Variants in CD177 observed in about 807,000 individuals in gnomAD.
The protein encoded by CD177 is CD177 antigen.
CD177 carries 41 observed loss-of-function variants against 38.1 expected under a neutral mutation model. The ratio of observed to expected loss-of-function variants is 1.07; its 90% CI spans 0.84 to 1.39. The LOEUF is 1.39. CD177 is among the 40% of genes most tolerant of loss of function. The pLI, the probability that CD177 is intolerant of heterozygous loss-of-function variation, is 0.00. For missense variants in CD177, 619 were observed against 523.8 expected, an observed-to-expected ratio of 1.18 and a Z score of -1.77; for synonymous variants, 236 against 216.7, an observed-to-expected ratio of 1.09 and a Z score of -0.78.
At chr19:43,364,186 C>T (rs10402666), downstream of CD177, among the ~76,000 whole-genome samples, 14,261 of 151,714 alleles carry the variant, frequency 0.094, 339 homozygotes, top group African/African-American at 0.18. Context: ...TGTCCTCCTC[C>T]CATTGTGCTG....
intron 5 of CD177, among the ~76,000 whole-genome samples, chr19:43,360,057 G>T: frequency 6.6e-6 from 1 of 151,852 alleles, no homozygotes; most frequent in East Asian, 1.9e-4. Flanking sequence ...GTGAGAGGAC[G>T]TCCCTGCGGG....
intron 6 of CD177, 42 bp downstream of exon 6, chr19:43,360,447 C>T (rs1414459356): frequency 5.2e-6 from 8 of 1,539,970 alleles, no homozygotes; most frequent in Non-Finnish European, 7.0e-6. Context: ...GTCCCAAGTC[C>T]CTGGCAGCTC....
chr19:43,362,501 T>G lies in CD177; in HGVS notation c.*181T>G, dbSNP rs7254228. 123,306 of 501,538 alleles carry G rather than the reference T, an allele frequency of 0.25. 17,570 individuals carry two copies. Among genetic ancestry groups the G allele is most frequent in the East Asian group, 0.43 (13,658 of 31,506 alleles). The allele number at this position is 501,538 out of a possible 1,614,324, so 31.1% of individuals were successfully genotyped here. ...GCAACACTGGGGAGAGCCTGGAGCA[T>G]CCGGACTTGCCCTATGGGAGAGGGG... On this transcript the variant is annotated 3_prime_UTR_variant, in exon 9 of 9. Coordinates refer to ENST00000618265, the MANE Select transcript of CD177 (RefSeq NM_020406.4).
intron 1 of CD177, 24 bp from the exon 2 acceptor site, chr19:43,353,829 A>G (rs1192141144): frequency 3.1e-6 from 5 of 1,613,594 alleles, no homozygotes; most frequent in Non-Finnish European, 4.2e-6. Context: ...CCCTGCTGAG[A>G]TGGATTTGCT....
downstream of CD177, among the ~76,000 whole-genome samples, chr19:43,365,930 G>A (rs562240923): frequency 6.6e-6 from 1 of 152,280 alleles, no homozygotes. Context: ...GCATGCCCCA[G>A]GTTATGGTTT....
chr19:43,363,868 A>G (rs1467617550), downstream of CD177, among the ~76,000 whole-genome samples: 7 of 152,158 alleles, frequency 4.6e-5, no homozygotes, highest in Non-Finnish European at 1.5e-5. Flanking sequence ...TGGGAGGATC[A>G]CTTGAGCCCA....
At position 43,361,499 on chromosome 19, in the gene CD177, C is replaced by G; in HGVS notation, c.1001C>G (p.Thr334Ser). The G allele has an allele frequency of 6.3e-7, 1 of 1,585,662 alleles. No homozygotes were observed. Among genetic ancestry groups the G allele is most frequent in the African/African-American group, 1.4e-5 (1 of 73,700 alleles). ...QCPTCVQPLG[T>S]CSSGSPRMTC... The stretch of plus-strand genomic sequence containing the variant: ...CCTACCTGTGTGCAGCCCCTTGGAA[C>G]CTGTTCAAGTGGCTCCCCCCGAATG... The change falls in exon 8 of 9, where the codon ACC becomes AGC. Residue 334 changes from threonine (T) to serine (S), a missense_variant. Coordinates refer to ENST00000618265, the MANE Select transcript of CD177 (RefSeq NM_020406.4).
chr19:43,360,963 G>A lies in CD177; in HGVS notation c.761-180G>A, dbSNP rs1231595702. 1.9e-4 allele frequency: 118 copies of A among 613,810 alleles called. 1 individual carries two copies. The East Asian group carries it at 2.9e-3, about 15-fold the overall frequency. 38.0% of individuals were successfully genotyped at this position (613,810 alleles called of 1,614,324 possible). On this transcript the variant is annotated intron_variant, in intron 6 of 8. Coordinates refer to ENST00000618265, the MANE Select transcript of CD177 (RefSeq NM_020406.4). ...GAGAACTGGGAGGAGGCAGAGCTTC[G>A]GGCAGGACCCAGGCCCCAGCCTCCG...
downstream of CD177, among the ~76,000 whole-genome samples, chr19:43,363,754 T>C (rs1249985463): frequency 6.6e-6 from 1 of 152,104 alleles, no homozygotes; most frequent in Non-Finnish European, 1.5e-5. Context: ...GTTCACTCCC[T>C]TGCCCCTCGG....
At chr19:43,354,056 G>A in intron 2 of CD177, 63 bp downstream of exon 2, 1 of 1,581,976 alleles carries the variant, frequency 6.3e-7, no homozygotes, top group Non-Finnish European at 8.6e-7. Flanking sequence ...TCCCTGTGCA[G>A]GGACCCGGGA....
At position 43,361,231 on chromosome 19, in the gene CD177, T is replaced by C; in HGVS notation, c.849T>C (p.Pro283=). The change falls in exon 7 of 9, where the codon CCT becomes CCC. Residue 283 remains proline (P), a synonymous_variant. Coordinates refer to ENST00000618265, the MANE Select transcript of CD177 (RefSeq NM_020406.4). ...SQKTTIHSAP[P]GVLVASYTHF... Reference sequence around the variant, plus strand: ...AGACCACCATCCACTCAGCCCCTCCTGGGGTGCTTGTGGCCTCCTATACCC... The same window carrying C: ...AGACCACCATCCACTCAGCCCCTCCCGGGGTGCTTGTGGCCTCCTATACCC... The C allele has an allele frequency of 1.3e-6, 2 of 1,545,148 alleles. No individual in the cohort carries two copies. The highest frequency in any genetic ancestry group is 1.8e-6 in the Non-Finnish European group (2 of 1,119,598).
chr19:43,362,258 T>C lies in CD177; in HGVS notation c.1252T>C (p.Trp418Arg). 1.2e-5 allele frequency: 19 copies of C among 1,608,248 alleles called. No individual in the cohort carries two copies. The highest frequency in any genetic ancestry group is 1.6e-5 in the Non-Finnish European group (19 of 1,175,002). The change falls in exon 9 of 9, where the codon TGG (tryptophan) becomes CGG (arginine). Residue 418 changes from tryptophan to arginine, a missense_variant. Trp to Arg is a moderately radical substitution (Grantham distance 101, BLOSUM62 -3). Coordinates refer to ENST00000618265, the MANE Select transcript of CD177 (RefSeq NM_020406.4). ...GGCTGAGGGCCTGGAGTCTCTCACT[T>C]GGGGGGTGGGGCTGGCACTGGCCCC... ...GGAEGLESLT[W>R]GVGLALAPAL...
intron 3 of CD177, among the ~76,000 whole-genome samples, chr19:43,355,240 C>A (rs557825775): frequency 6.6e-6 from 1 of 150,408 alleles, no homozygotes; most frequent in South Asian, 2.1e-4. Flanking sequence ...CAGCCTCCCA[C>A]GTAGCAGGGA....
At chr19:43,361,006 A>G (rs1177259114) in intron 6 of CD177, 137 bp from the exon 7 acceptor site, 1 of 616,904 alleles carries the variant, frequency 1.6e-6, no homozygotes, top group African/African-American at 1.9e-5. Flanking sequence ...CCCACACTAA[A>G]CATGACCCAG....
Position 43,353,761 on chromosome 19 carries a change from T to G in CD177, c.47T>G (p.Leu16Arg). ...LLALLGFILP[L>R]PGVQALLCQF... ...GCCCTCCTGGGGTTCATCCTCCCACTGCCAGGTGAGTGATGAGCCCAGCCT... is the reference window on the plus strand; with the variant it reads ...GCCCTCCTGGGGTTCATCCTCCCACGGCCAGGTGAGTGATGAGCCCAGCCT... The change falls in exon 1 of 9, where the codon CTG becomes CGG. Residue 16 changes from leucine (L) to arginine (R), a missense_variant. By Grantham distance (102) the Leu-to-Arg change is moderately radical. Coordinates refer to ENST00000618265, the MANE Select transcript of CD177 (RefSeq NM_020406.4). 1 of 1,613,906 alleles carries G rather than the reference T, an allele frequency of 6.2e-7. No homozygotes were observed. The highest frequency in any genetic ancestry group is 8.5e-7 in the Non-Finnish European group (1 of 1,179,848).
rs937447166 is a variant in CD177 at position 43,354,383 on chromosome 19, C to T, written c.370C>T (p.Pro124Ser). The T allele has an allele frequency of 1.1e-5, 18 of 1,613,714 alleles. No individual in the cohort carries two copies. In the African/African-American group the frequency reaches 1.9e-4, roughly 17 times the overall value. Residue 124 changes from proline (P) to serine (S), a missense_variant, in exon 3 of 9, where the codon CCC (proline) becomes TCC (serine). Physicochemically the swap from Pro to Ser is moderately conservative, Grantham distance 74. Transcript: ENST00000618265. ...CTCCCTCCCGCTTTGGGCCCCACAG[C>T]CCCCAGCAGGTGCCTGCGGGAGGGT... ...VNSLPLWAPQ[P>S]PADPGSLRCP... is the part of the protein sequence containing the mutation.
intron 3 of CD177, among the ~76,000 whole-genome samples, chr19:43,355,005 G>C (rs1568443491): frequency 6.8e-6 from 1 of 147,750 alleles, no homozygotes; most frequent in Non-Finnish European, 1.5e-5. Context: ...GTTCAGACTT[G>C]ACCATGTCTG....
chr19:43,354,421 G>A (rs1317973260), intron 3 of CD177, 29 bp downstream of exon 3: 1 of 1,611,114 alleles, frequency 6.2e-7, no homozygotes, highest in African/African-American at 1.3e-5. Context: ...GGAGGAGAGG[G>A]AGGGGCTGCT....
rs556902433 is a variant in CD177, at chr19:43,353,972, A to G, written c.172A>G (p.Thr58Ala). Residue 58 changes from threonine (T) to alanine (A), a missense_variant, in exon 2 of 9, where the codon ACG becomes GCG. Physicochemically the swap from Thr to Ala is moderately conservative, Grantham distance 58 (BLOSUM62 0). Transcript: ENST00000618265. ...CGACAGCGGCTTGGGGTGCCAGGAC[A>G]CGTTGATGCTCATTGAGAGCGGTGA... The part of the protein sequence containing the change: ...SCDSGLGCQD[T>A]LMLIESGPQV... 42 of 1,613,778 alleles carry G rather than the reference A, an allele frequency of 2.6e-5. No individual in the cohort carries two copies. The East Asian group carries it at 8.7e-4, about 33-fold the overall frequency.
Sources: allele counts gnomAD v4.1 joint callset (sites outside exome capture counted in the v4.1 genomes callset), GRCh38; gene constraint gnomAD v4.1.1; transcripts MANE v1.5; gene names NCBI Gene and HGNC (gene_info 2026-07-23, HGNC 2026-07-21).